The following PRDM11 variants were observed in gnomAD, a reference collection of about 807,000 sequenced individuals.
PRDM11 encodes PR domain-containing protein 11.
A neutral mutation model predicts 97.8 loss-of-function variants in PRDM11; 20 were observed. The ratio of observed to expected loss-of-function variants is 0.20; its 90% CI spans 0.14 to 0.30. The LOEUF (loss-of-function observed/expected upper bound fraction) is 0.30, where lower values mean the gene tolerates loss of function less well. Among genes scored for constraint, PRDM11 ranks in the 10% least tolerant of loss-of-function variants. PRDM11 has a pLI of 1.00. For missense variants in PRDM11, 1,139 were observed against 1,555.2 expected, an observed-to-expected ratio of 0.73 and a Z score of 4.50; for synonymous variants, 599 against 637.7, an observed-to-expected ratio of 0.94 and a Z score of 0.91.
intron 5 of PRDM11, among the ~76,000 whole-genome samples, chr11:45,218,022 A>G (rs1253088283): frequency 6.6e-6 from 1 of 152,186 alleles, no homozygotes; most frequent in African/African-American, 2.4e-5. Flanking sequence ...TTCCAGTCCT[A>G]TTGTTCTCAC....
intron 1 of PRDM11, among the ~76,000 whole-genome samples, chr11:45,140,975 T>C (rs1266033451): frequency 6.6e-6 from 1 of 152,108 alleles, no homozygotes; most frequent in Non-Finnish European, 1.5e-5. Context: ...TGGAGAGAGT[T>C]GCCCAGAGTC....
At position 45,227,721 on chromosome 11, in the gene PRDM11, C is replaced by T. The variant is rs1304647001; in HGVS notation, c.3096C>T (p.Asp1032=). 1.3e-6 allele frequency: 2 copies of T among 1,533,720 alleles called. No homozygotes were observed. The highest frequency in any genetic ancestry group is 2.0e-5 in the Admixed American group (1 of 50,956). The change falls in exon 8 of 8, where the codon GAC becomes GAT. Residue 1032 remains aspartate (D), a synonymous_variant. Coordinates refer to ENST00000683152, the MANE Select transcript of PRDM11 (RefSeq NM_001384648.1). The surrounding 1 kb of genome is among the most constrained non-coding windows in gnomAD (Gnocchi z 8.0). ...GGGATGTCTGTAGGGAAGGGCTGGACCCCCGGGGTAGTCTGTTGATGGAGT... is the reference window on the plus strand; with the variant it reads ...GGGATGTCTGTAGGGAAGGGCTGGATCCCCGGGGTAGTCTGTTGATGGAGT... ...FSRDVCREGL[D]PRGSLLMEWR...
rs1206019587 is a variant in PRDM11 at position 45,226,957 on chromosome 11, C to A, written c.2332C>A (p.Leu778Ile). The A allele has an allele frequency of 6.5e-7, 1 of 1,533,962 alleles. No homozygotes were observed. The highest frequency in any genetic ancestry group is 2.0e-5 in the Admixed American group (1 of 51,002). ...CCTGGATGCCATCAGCGGGAAGGAGCTCCCATGCCTGGAGGAGCTGGAGAA... is the reference window on the plus strand; with the variant it reads ...CCTGGATGCCATCAGCGGGAAGGAGATCCCATGCCTGGAGGAGCTGGAGAA... ...EILDAISGKE[L>I]PCLEELENNL... The change falls in exon 8 of 8, where the codon CTC becomes ATC. Residue 778 changes from leucine to isoleucine, a missense_variant. Physicochemically the swap from Leu to Ile is conservative, Grantham distance 5 (BLOSUM62 2). Around this residue, in one of 2 missense-constraint regions of PRDM11, gnomAD observed 710 missense variants for 1,044.9 expected, o/e 0.68. Coordinates refer to ENST00000683152, the MANE Select transcript of PRDM11 (RefSeq NM_001384648.1).
chr11:45,186,898 T>G (rs781636079), intron 4 of PRDM11, among the ~76,000 whole-genome samples: 3 of 152,190 alleles, frequency 2.0e-5, no homozygotes, highest in African/African-American at 7.2e-5. Context: ...CCCTCCACCA[T>G]GTGAGGACTT....
At chr11:45,126,509 G>T (rs1295682038) in intron 1 of PRDM11, among the ~76,000 whole-genome samples, 1 of 152,098 alleles carries the variant, frequency 6.6e-6, no homozygotes, top group South Asian at 2.1e-4. Flanking sequence ...GCTTCCTTCA[G>T]GAGCTCTTTT....
At chr11:45,159,918 G>C (rs1219123822) in intron 1 of PRDM11, among the ~76,000 whole-genome samples, 2 of 152,224 alleles carry the variant, frequency 1.3e-5, no homozygotes, top group Non-Finnish European at 2.9e-5. Flanking sequence ...TGGGCCAGGA[G>C]TCACTGGGGG....
intron 1 of PRDM11, among the ~76,000 whole-genome samples, chr11:45,180,480 C>T (rs1029740927): frequency 1.9e-4 from 29 of 151,892 alleles, no homozygotes; most frequent in African/African-American, 5.6e-4. Flanking sequence ...CATCGGGCCC[C>T]GTGGGAGGCC....
rs1344974184 is a variant in PRDM11 at position 45,226,232 on chromosome 11, C to T, written c.1607C>T (p.Thr536Met). 3.3e-6 allele frequency: 5 copies of T among 1,533,988 alleles called. No individual in the cohort carries two copies. Among genetic ancestry groups the T allele is most frequent in the Non-Finnish European group, 4.4e-6 (5 of 1,146,736 alleles). Residue 536 changes from threonine to methionine, a missense_variant, in exon 8 of 8, where the codon ACG becomes ATG. Thr to Met is a moderately conservative substitution (Grantham distance 81, BLOSUM62 -1). Around this residue, in one of 2 missense-constraint regions of PRDM11, gnomAD observed 710 missense variants for 1,044.9 expected, o/e 0.68. Transcript: ENST00000683152. ...TGGTGCCACGTCTGCCGCCAGTACACGGTGCAGTCCTCACGCACCTCGGCC... is the reference window on the plus strand; with the variant it reads ...TGGTGCCACGTCTGCCGCCAGTACATGGTGCAGTCCTCACGCACCTCGGCC... ...EMWCHVCRQY[T>M]VQSSRTSAFI...
intron 1 of PRDM11, among the ~76,000 whole-genome samples, chr11:45,106,298 A>T (rs1297972464): frequency 6.6e-6 from 1 of 152,028 alleles, no homozygotes; most frequent in Admixed American, 6.5e-5. Context: ...GCTCCCTCGC[A>T]AGCCACACAG....
chr11:45,168,613 C>G (rs1852126991), intron 1 of PRDM11, among the ~76,000 whole-genome samples: 1 of 152,136 alleles, frequency 6.6e-6, no homozygotes, highest in Non-Finnish European at 1.5e-5. Flanking sequence ...TTCAGCTCTA[C>G]CCAGGTTGGA....
chr11:45,148,183 G>C (rs1851570683), intron 1 of PRDM11, among the ~76,000 whole-genome samples: 1 of 152,146 alleles, frequency 6.6e-6, no homozygotes, highest in South Asian at 2.1e-4. Context: ...TCTGGGAATA[G>C]AGCCCAGACC....
intron 7 of PRDM11, 143 bp downstream of exon 7, chr11:45,224,986 A>C (rs1590478433): frequency 6.6e-7 from 1 of 1,504,794 alleles, no homozygotes. Flanking sequence ...CGTGGGTGGG[A>C]GCCCAGGTCC....
chr11:45,152,684 G>T lies in PRDM11; in HGVS notation c.-7+5807G>T, dbSNP rs373181367. Among the ~76,000 whole-genome samples the T allele has an allele frequency of 6.8e-4, 104 of 152,330 alleles. 2 individuals are homozygous for T. Among genetic ancestry groups the T allele is most frequent in the African/African-American group, 2.3e-3 (95 of 41,582 alleles). ...TGTCTTTTTAAATCTTCACAGCGAT[G>T]CCCTGATCATGGTATTGTTATTTCC... On this transcript the variant is annotated intron_variant, in intron 1 of 7. Transcript: ENST00000683152.
chr11:45,218,723 G>A (rs537288872), intron 5 of PRDM11, among the ~76,000 whole-genome samples: 1 of 152,372 alleles, frequency 6.6e-6, no homozygotes, highest in East Asian at 1.9e-4. Flanking sequence ...AGGGTGGTGG[G>A]CTGGATGTCG....
intron 1 of PRDM11, among the ~76,000 whole-genome samples, chr11:45,171,445 C>G (rs1026981487): frequency 6.6e-6 from 1 of 152,188 alleles, no homozygotes; most frequent in Non-Finnish European, 1.5e-5. Context: ...ATTGCTCTCC[C>G]TGATGCTACT....
Position 45,190,133 on chromosome 11 carries a change from G to GCA in PRDM11, c.486+7024_486+7025dup, listed in dbSNP as rs149979412. 3.0e-3 allele frequency among the ~76,000 whole-genome samples: 454 copies of GCA among 149,482 alleles called. 2 individuals are homozygous for GCA. Among genetic ancestry groups the GCA allele is most frequent in the Middle Eastern group, 0.014 (4 of 284 alleles). On this transcript the variant is annotated intron_variant, in intron 4 of 7. Transcript: ENST00000683152. ...ACTTACACCACCTACACACACACGT[G>GCA]CACACACACACACACTTTTTTTTTT...
Position 45,227,409 on chromosome 11 carries a change from A to G in PRDM11, c.2784A>G (p.Glu928=). Residue 928 remains glutamate (E), a synonymous_variant, in exon 8 of 8, where the codon GAA becomes GAG. Coordinates refer to ENST00000683152, the MANE Select transcript of PRDM11 (RefSeq NM_001384648.1). This position sits in a 1 kb window ranked among gnomAD's most constrained non-coding sequence, Gnocchi z 8.0. ...EISRLADSPG[E]YLQEFEENFR... ...GCCGGCTGGCTGACTCCCCGGGAGA[A>G]TACCTGCAGGAGTTCGAGGAGAATT... 9.1e-6 allele frequency: 14 copies of G among 1,533,896 alleles called. No homozygotes were observed. The highest frequency in any genetic ancestry group is 1.2e-5 in the Non-Finnish European group (14 of 1,146,730).
At chr11:45,182,788 C>T in intron 3 of PRDM11, 73 bp from the exon 4 acceptor site, 1 of 1,480,794 alleles carries the variant, frequency 6.8e-7, no homozygotes, top group Non-Finnish European at 9.1e-7. Context: ...CCTGTCAGCC[C>T]CTCTACCTCC....
At chr11:45,194,427 C>T (rs1307748019) in intron 4 of PRDM11, among the ~76,000 whole-genome samples, 1 of 152,026 alleles carries the variant, frequency 6.6e-6, no homozygotes, top group African/African-American at 2.4e-5. Context: ...GCTCTCTGAA[C>T]CTAATTCAGC....
Sources: gnomAD v4.1 joint callset for allele counts (sites outside exome capture counted in the v4.1 genomes callset) on GRCh38, gnomAD v4.1.1 for gene constraint, gnomAD v4.1.1 regional missense constraint, Gnocchi (gnomAD v3.1) non-coding constraint, MANE v1.5 for transcripts, NCBI Gene and HGNC (gene_info 2026-07-23, HGNC 2026-07-21) for gene names.